The following DNAH17 variants were observed in gnomAD, a reference collection of about 807,000 sequenced individuals.
The protein encoded by DNAH17 is axonemal beta dynein heavy chain 17.
Under a neutral mutation model 485.6 loss-of-function variants are expected in DNAH17, and 376 were observed. The observed-to-expected ratio is 0.77, with a 90% CI of 0.71 to 0.84. The LOEUF (loss-of-function observed/expected upper bound fraction) is 0.84. DNAH17 is among the 40% of genes least tolerant of loss of function. DNAH17 has a pLI of 0.00. For missense variants in DNAH17, 6,370 were observed against 5,839.3 expected (o/e 1.09, Z -2.96); for synonymous variants, 3,031 against 2,405.9 (o/e 1.26, Z -7.60).
At chr17:78,567,870 G>A (rs1294988524) in intron 9 of DNAH17, among the ~76,000 whole-genome samples, 2 of 152,186 alleles carry the variant, frequency 1.3e-5, no homozygotes, top group Non-Finnish European at 2.9e-5. Context: ...AGGTCTCCAA[G>A]GCTCCCTGGA....
At position 78,569,241 on chromosome 17, in the gene DNAH17, G is replaced by T; in HGVS notation, c.1209C>A (p.Pro403=). Residue 403 remains proline (P), a synonymous_variant, in exon 9 of 81, where the codon CCC becomes CCA. Coordinates refer to ENST00000389840, the MANE Select transcript of DNAH17 (RefSeq NM_173628.4). ...GAGAAGAAGGGAATTCCCAAGGCACGGGCTCTTTGTCCTTAGAGGAGAGAA... is the reference window on the plus strand; with the variant it reads ...GAGAAGAAGGGAATTCCCAAGGCACTGGCTCTTTGTCCTTAGAGGAGAGAA... ...NMKLFFKDKE[P]VPWEFPSSLA... is the part of the protein sequence containing the mutation. The T allele has an allele frequency of 6.2e-7, 1 of 1,606,652 alleles. No homozygotes were observed. The highest frequency in any genetic ancestry group is 8.5e-7 in the Non-Finnish European group (1 of 1,176,520).
At chr17:78,466,897 C>A in intron 55 of DNAH17, 81 bp from the exon 56 acceptor site, 2 of 1,407,852 alleles carry the variant, frequency 1.4e-6, no homozygotes, top group Non-Finnish European at 1.9e-6. Context: ...GAAAGCTCTG[C>A]CAGAAAGCAA....
At chr17:78,510,777 C>A in intron 26 of DNAH17, 1 of 399,668 alleles carries the variant, frequency 2.5e-6, no homozygotes, top group Admixed American at 3.4e-5. Flanking sequence ...CACATCCGCC[C>A]AGAACCTTCA....
chr17:78,549,625 C>G (rs531374053), intron 16 of DNAH17, among the ~76,000 whole-genome samples: 5 of 152,202 alleles, frequency 3.3e-5, no homozygotes, highest in Non-Finnish European at 5.9e-5. Context: ...CTGGTGCAAA[C>G]AAGCTAGCTC....
At position 78,570,299 on chromosome 17, in the gene DNAH17, GGT is replaced by G. The variant is rs1005364048; in HGVS notation, c.990_991del (p.Pro331CysfsTer34). On this transcript the variant is annotated frameshift_variant, in exon 7 of 81. Coordinates refer to ENST00000389840, the MANE Select transcript of DNAH17 (RefSeq NM_173628.4). LOFTEE classifies it high-confidence loss of function. ...CTGCAGGATGACGATGATCCTGGCA[GGT>G]GTGTTATAGTACTCAGAGGTGGCCC... The G allele has an allele frequency of 6.2e-6, 10 of 1,602,386 alleles. No homozygotes were observed. Among genetic ancestry groups the G allele is most frequent in the Non-Finnish European group, 6.8e-6 (8 of 1,174,838 alleles).
At position 78,507,487 on chromosome 17, in the gene DNAH17, G is replaced by T; in HGVS notation, c.4555C>A (p.Arg1519Ser). ...AATTCCTGGTTGATGTCGTCAAAGC[G>T]CTGGGAGTCCCCCGGGAGCTGGGTG... The part of the protein sequence containing the change: ...IRTQLPGDSQ[R>S]FDDINQEFKA... Residue 1519 changes from arginine (R) to serine (S), a missense_variant, in exon 28 of 81, where the codon CGC becomes AGC. By Grantham distance (110) the Arg-to-Ser change is moderately radical. Transcript: ENST00000389840. The T allele has an allele frequency of 1.2e-6, 2 of 1,612,840 alleles. No homozygotes were observed. The highest frequency in any genetic ancestry group is 1.1e-5 in the South Asian group (1 of 91,080).
At chr17:78,483,780 G>A (rs529181485) in intron 48 of DNAH17, among the ~76,000 whole-genome samples, 1 of 152,054 alleles carries the variant, frequency 6.6e-6, no homozygotes, top group African/African-American at 2.4e-5. Flanking sequence ...GGCTCTTTTG[G>A]CCTGAGCTAC....
intron 37 of DNAH17, among the ~76,000 whole-genome samples, 160 bp from the exon 38 acceptor site, chr17:78,496,192 G>A (rs1403844547): frequency 6.6e-6 from 1 of 152,048 alleles, no homozygotes; most frequent in African/African-American, 2.4e-5. Context: ...TTTTGAGAAA[G>A]TTGTAGATTT....
intron 54 of DNAH17, 149 bp from the exon 55 acceptor site, chr17:78,469,032 C>T (rs539702946): frequency 5.4e-5 from 53 of 979,098 alleles, no homozygotes; most frequent in African/African-American, 5.1e-4. Flanking sequence ...GGCACAATCT[C>T]GGCTCACTGC....
At chr17:78,476,463 C>G in intron 52 of DNAH17, 109 bp downstream of exon 52, 1 of 1,303,374 alleles carries the variant, frequency 7.7e-7, no homozygotes, top group Non-Finnish European at 1.0e-6. Flanking sequence ...ATCTTCCCAC[C>G]CCCAACAAAG....
At chr17:78,425,627 C>T in intron 79 of DNAH17, 56 bp from the exon 80 acceptor site, 1 of 1,492,434 alleles carries the variant, frequency 6.7e-7, no homozygotes, top group East Asian at 2.4e-5. Flanking sequence ...ATGGGAACGA[C>T]CGGGCCTTGG....
chr17:78,566,964 G>A (rs373124697), intron 10 of DNAH17, 35 bp downstream of exon 10: 20 of 1,584,904 alleles, frequency 1.3e-5, no homozygotes, highest in Non-Finnish European at 1.4e-5. Context: ...TGTTCTCACC[G>A]AGTCCAGTTC....
intron 73 of DNAH17, 85 bp from the exon 74 acceptor site, chr17:78,437,953 G>A: frequency 9.7e-7 from 1 of 1,029,690 alleles, no homozygotes; most frequent in Non-Finnish European, 1.4e-6. Flanking sequence ...ATGTTCCCTG[G>A]TGAGGGCAGG....
intron 74 of DNAH17, among the ~76,000 whole-genome samples, chr17:78,436,193 G>A (rs2086846403): frequency 6.6e-6 from 1 of 152,224 alleles, no homozygotes; most frequent in Non-Finnish European, 1.5e-5. Flanking sequence ...TTGGGAGGCC[G>A]AGGTGGGTGG....
At chr17:78,555,929 C>T (rs1310872127) in intron 14 of DNAH17, among the ~76,000 whole-genome samples, 1 of 152,208 alleles carries the variant, frequency 6.6e-6, no homozygotes, top group African/African-American at 2.4e-5. Flanking sequence ...GGATTTACAC[C>T]ATCTGTTCCC....
intron 71 of DNAH17, among the ~76,000 whole-genome samples, chr17:78,444,282 C>T (rs1239599353): frequency 6.6e-6 from 1 of 152,138 alleles, no homozygotes; most frequent in African/African-American, 2.4e-5. Flanking sequence ...TTCTTCCTAT[C>T]ATGTATCGCA....
intron 22 of DNAH17, among the ~76,000 whole-genome samples, chr17:78,528,947 T>C (rs1381132457): frequency 4.3e-5 from 5 of 116,754 alleles, no homozygotes; most frequent in African/African-American, 1.7e-4. Flanking sequence ...AAAGGCATTT[T>C]GTATTTTTTT....
At chr17:78,474,700 T>G (rs2088924426) in intron 54 of DNAH17, among the ~76,000 whole-genome samples, 1 of 148,148 alleles carries the variant, frequency 6.8e-6, no homozygotes, top group Non-Finnish European at 1.5e-5. Context: ...ACACGCACAC[T>G]GGCTGGAAGG....
intron 62 of DNAH17, among the ~76,000 whole-genome samples, chr17:78,456,386 C>G (rs368896161): frequency 6.6e-6 from 1 of 152,016 alleles, no homozygotes; most frequent in Non-Finnish European, 1.5e-5. Flanking sequence ...CCAAGTCACC[C>G]GCATTGACAC....
Sources: allele counts gnomAD v4.1 joint callset (sites outside exome capture counted in the v4.1 genomes callset), GRCh38; gene constraint gnomAD v4.1.1; transcripts MANE v1.5; gene names NCBI Gene and HGNC (gene_info 2026-07-23, HGNC 2026-07-21).